Variants in AUTS2 observed in about 807,000 individuals in gnomAD.
AUTS2 encodes activator of transcription and developmental regulator AUTS2, also known as autism susceptibility gene 2 protein.
A neutral mutation model predicts 112.4 loss-of-function variants in AUTS2; 17 were observed. The observed-to-expected ratio is 0.15, with a 90% confidence interval of 0.10 to 0.23. The LOEUF is 0.23. Ranked by LOEUF, AUTS2 falls within the 10% of genes least tolerant of loss-of-function variation. AUTS2 has a pLI of 1.00. For missense variants in AUTS2, 1,510 were observed against 1,701.6 expected (o/e 0.89, Z 1.98); for synonymous variants, 751 against 702.7 (o/e 1.07, Z -1.09).
intron 4 of AUTS2, among the ~76,000 whole-genome samples, chr7:70,261,407 T>C (rs1338262493): frequency 6.6e-6 from 1 of 152,214 alleles, no homozygotes; most frequent in Non-Finnish European, 1.5e-5. Flanking sequence ...GTGGCAGTTA[T>C]ATAGATACAG....
At chr7:70,116,491 A>G (rs560105694) in intron 2 of AUTS2, among the ~76,000 whole-genome samples, 77 of 152,148 alleles carry the variant, frequency 5.1e-4, no homozygotes, top group African/African-American at 1.7e-3. Context: ...GCAGGCAAAA[A>G]TTTCCTACTT....
intron 2 of AUTS2, among the ~76,000 whole-genome samples, chr7:69,955,901 T>C (rs1348518988): frequency 2.6e-5 from 4 of 152,168 alleles, no homozygotes; most frequent in Non-Finnish European, 5.9e-5. Context: ...TACCCTACTA[T>C]TATCATTTGA....
intron 5 of AUTS2, among the ~76,000 whole-genome samples, chr7:70,666,154 G>A (rs1010255323): frequency 1.3e-5 from 2 of 152,218 alleles, no homozygotes; most frequent in Non-Finnish European, 2.9e-5. Context: ...CTTATTGGCT[G>A]TGTGAGCTAA....
intron 1 of AUTS2, among the ~76,000 whole-genome samples, chr7:69,712,064 C>T (rs1216981798): frequency 2.0e-5 from 3 of 152,138 alleles, no homozygotes; most frequent in Non-Finnish European, 2.9e-5. Context: ...TATAATACTC[C>T]TTCTTTGTGC....
At chr7:70,182,257 C>T (rs1411456912) in intron 4 of AUTS2, among the ~76,000 whole-genome samples, 2 of 152,248 alleles carry the variant, frequency 1.3e-5, no homozygotes, top group African/African-American at 2.4e-5. Context: ...CTCACCCATA[C>T]ACCTTTCAGA....
At chr7:69,727,895 C>CT (rs1039735093) in intron 1 of AUTS2, among the ~76,000 whole-genome samples, 14 of 152,138 alleles carry the variant, frequency 9.2e-5, no homozygotes, top group African/African-American at 3.4e-4. Context: ...TACAAAATCC[C>CT]TTGATACCCA....
chr7:70,158,818 T>C (rs985014546), intron 4 of AUTS2, among the ~76,000 whole-genome samples: 3 of 152,138 alleles, frequency 2.0e-5, no homozygotes, highest in Non-Finnish European at 4.4e-5. Flanking sequence ...TGGAGGACTA[T>C]AGAGCTGACC....
intron 1 of AUTS2, among the ~76,000 whole-genome samples, chr7:69,606,907 C>G (rs1792761554): frequency 6.6e-6 from 1 of 152,158 alleles, no homozygotes; most frequent in African/African-American, 2.4e-5. Context: ...TGGTGAGACC[C>G]TAAGTGTGTC....
At chr7:70,579,101 GT>G (rs923081783) in intron 5 of AUTS2, among the ~76,000 whole-genome samples, 14 of 149,978 alleles carry the variant, frequency 9.3e-5, no homozygotes, top group African/African-American at 3.4e-4. Flanking sequence ...GCTAATTTTT[GT>G]TTTTTTAGTA....
intron 2 of AUTS2, among the ~76,000 whole-genome samples, chr7:70,055,658 C>G (rs1446541618): frequency 6.6e-6 from 1 of 152,054 alleles, no homozygotes; most frequent in Non-Finnish European, 1.5e-5. Context: ...GCAGTTTTTC[C>G]CTTCTGAAGG....
intron 2 of AUTS2, among the ~76,000 whole-genome samples, chr7:69,929,738 T>G (rs1304998246): frequency 6.6e-6 from 1 of 152,232 alleles, no homozygotes; most frequent in African/African-American, 2.4e-5. Flanking sequence ...TTTAACTGTT[T>G]GAACTTTTGG....
intron 2 of AUTS2, among the ~76,000 whole-genome samples, chr7:69,976,664 C>T (rs1798071909): frequency 6.6e-6 from 1 of 152,150 alleles, no homozygotes; most frequent in East Asian, 1.9e-4. Context: ...GTAGCAATCT[C>T]AATAGATCTG....
intron 5 of AUTS2, among the ~76,000 whole-genome samples, chr7:70,456,881 CT>C (rs2131143100): frequency 6.6e-6 from 1 of 152,328 alleles, no homozygotes; most frequent in Non-Finnish European, 1.5e-5. Context: ...GTGTGACTTG[CT>C]TGGGCCCCTG....
intron 4 of AUTS2, among the ~76,000 whole-genome samples, chr7:70,238,673 T>C (rs1257464627): frequency 6.6e-6 from 1 of 152,062 alleles, no homozygotes; most frequent in Non-Finnish European, 1.5e-5. Context: ...TGTTTTTTTT[T>C]TAACTGTAGG....
chr7:69,655,742 C>A (rs1795499483), intron 1 of AUTS2, among the ~76,000 whole-genome samples: 1 of 152,132 alleles, frequency 6.6e-6, no homozygotes, highest in Non-Finnish European at 1.5e-5. Flanking sequence ...AGGCTCCCTA[C>A]TGGGTCAGGA....
At chr7:70,005,415 A>G (rs117295455) in intron 2 of AUTS2, among the ~76,000 whole-genome samples, 2,170 of 152,260 alleles carry the variant, frequency 0.014, 21 homozygotes, top group Middle Eastern at 0.037. Flanking sequence ...AGTAGTGATT[A>G]ATATATTTTT....
intron 5 of AUTS2, among the ~76,000 whole-genome samples, chr7:70,445,610 T>C (rs929122208): frequency 1.4e-4 from 22 of 152,322 alleles, no homozygotes; most frequent in Non-Finnish European, 5.9e-5. Flanking sequence ...AAGGGCTATA[T>C]ACAAGGTATA....
chr7:70,362,679 T>G (rs1792327026), intron 4 of AUTS2, among the ~76,000 whole-genome samples: 1 of 151,444 alleles, frequency 6.6e-6, no homozygotes, highest in East Asian at 2.0e-4. Context: ...TTCTCTCTCC[T>G]CTTTGATTTT....
At chr7:70,430,249 G>A (rs998499164) in intron 4 of AUTS2, among the ~76,000 whole-genome samples, 2 of 152,196 alleles carry the variant, frequency 1.3e-5, no homozygotes, top group Non-Finnish European at 1.5e-5. Context: ...CAAGGGCAAC[G>A]TGGGAGAGGG....
Sources: allele counts gnomAD v4.1 joint callset (sites outside exome capture counted in the v4.1 genomes callset), GRCh38; gene constraint gnomAD v4.1.1; transcripts MANE v1.5; gene names NCBI Gene and HGNC (gene_info 2026-07-23, HGNC 2026-07-21).